SYNPO2: variants seen among roughly 807,000 people sequenced by gnomAD.
The protein encoded by SYNPO2 is synaptopodin-2.
In SYNPO2, 56 loss-of-function variants were observed where a neutral mutation model predicts 85.0. The observed-to-expected ratio is 0.66, with a 90% CI of 0.53 to 0.82. The LOEUF is 0.82. Ranked by LOEUF, SYNPO2 falls within the 40% of genes least tolerant of loss-of-function variation. The pLI is 0.00. For synonymous variants in SYNPO2, 602 were observed against 591.1 expected, an observed-to-expected ratio of 1.02 and a Z score of -0.27; for missense variants, 1,575 against 1,534.2, an observed-to-expected ratio of 1.03 and a Z score of -0.44.
At chr4:119,023,621 C>T (rs1737824689) in intron 2 of SYNPO2, 40 bp downstream of exon 2, 6 of 1,588,112 alleles carry the variant, frequency 3.8e-6, no homozygotes, top group Non-Finnish European at 5.1e-6. Context: ...TCTCTTGAAG[C>T]TACATGGGAA....
intron 1 of SYNPO2, among the ~76,000 whole-genome samples, chr4:118,860,977 T>C (rs145383312): frequency 6.6e-6 from 1 of 152,194 alleles, no homozygotes; most frequent in African/African-American, 2.4e-5. Context: ...TTCCATTCCA[T>C]AGGTTGTCTC....
chr4:119,000,131 A>G lies in SYNPO2; in HGVS notation c.106-23299A>G, dbSNP rs139595853. Among the ~76,000 whole-genome samples the G allele has an allele frequency of 6.9e-3, 1,053 of 152,316 alleles. 20 individuals are homozygous for G. The highest frequency in any genetic ancestry group is 0.024 in the African/African-American group (1,004 of 41,572). The stretch of plus-strand genomic sequence containing the variant: ...AATGTGAGCCACTCTCTCTGTTGCA[A>G]TGTGAGCAAGACAGCCTTCCTGTTA... On this transcript the variant is annotated intron_variant, in intron 1 of 4. Coordinates refer to ENST00000307142, the MANE Select transcript of SYNPO2 (RefSeq NM_133477.3).
At chr4:119,053,682 C>G (rs1208281755) in intron 4 of SYNPO2, among the ~76,000 whole-genome samples, 2 of 152,138 alleles carry the variant, frequency 1.3e-5, no homozygotes, top group Non-Finnish European at 2.9e-5. Flanking sequence ...ATATTTTGAA[C>G]TTTATAAATT....
chr4:119,030,614 T>G lies in SYNPO2; in HGVS notation c.1839T>G (p.Ile613Met). The G allele has an allele frequency of 6.2e-7, 1 of 1,614,076 alleles. No homozygotes were observed. The highest frequency in any genetic ancestry group is 8.5e-7 in the Non-Finnish European group (1 of 1,180,012). ...CAACCCGAAACATGACGAGTCCCAT[T>G]GCTGACTTTCCTGCACCTCCACCTT... ...FSPTRNMTSP[I>M]ADFPAPPPYS... The change falls in exon 4 of 5, where the codon ATT becomes ATG. Residue 613 changes from isoleucine to methionine, a missense_variant. Ile to Met is a conservative substitution (Grantham distance 10). This residue lies in a region of SYNPO2 where 1,508 missense variants were observed against 1,446.8 expected (regional missense o/e 1.04). Coordinates refer to ENST00000307142, the MANE Select transcript of SYNPO2 (RefSeq NM_133477.3).
chr4:119,043,863 G>A (rs1486702575), intron 4 of SYNPO2: 1 of 144,112 alleles, frequency 6.9e-6, no homozygotes, highest in African/African-American at 2.6e-5. Context: ...ACTTGAACCT[G>A]GGGAGCAGAG....
intron 1 of SYNPO2, among the ~76,000 whole-genome samples, chr4:118,936,657 G>C (rs1560885068): frequency 6.6e-6 from 1 of 152,058 alleles, no homozygotes. Context: ...GCTGTTCTAT[G>C]GGGGTAGACA....
intron 1 of SYNPO2, among the ~76,000 whole-genome samples, chr4:118,894,018 A>C (rs1210264813): frequency 6.6e-6 from 1 of 150,560 alleles, no homozygotes; most frequent in Non-Finnish European, 1.5e-5. Context: ...ATAAAACTTA[A>C]AAAAGAAGAT....
In SYNPO2 at chr4:119,022,512, G is replaced by GTTTT. The variant is rs778146297; in HGVS notation, c.106-895_106-892dup. Among the ~76,000 whole-genome samples, 131 of 87,114 alleles carry GTTTT rather than the reference G, an allele frequency of 1.5e-3. 9 individuals carry two copies. The highest frequency in any genetic ancestry group is 5.2e-3 in the African/African-American group (124 of 24,006). The allele number at this position is 87,114 out of a possible 152,430, so 57.2% of individuals were successfully genotyped here. On this transcript the variant is annotated intron_variant, in intron 1 of 4. Transcript: ENST00000307142. ...GGGCTAATTTTTGCATTTTTTGTAG[G>GTTTT]TTTTTTTTTTTTTTTTTTTTTTTTT...
intron 1 of SYNPO2, among the ~76,000 whole-genome samples, chr4:118,895,577 C>T (rs748370016): frequency 3.3e-5 from 5 of 152,114 alleles, no homozygotes; most frequent in Admixed American, 6.5e-5. Flanking sequence ...TTCTGTACCC[C>T]CTACAAGCCC....
At chr4:118,900,703 C>CTCTA (rs1277981772) in intron 1 of SYNPO2, among the ~76,000 whole-genome samples, 195 of 43,872 alleles carry the variant, frequency 4.4e-3, no homozygotes, top group East Asian at 9.2e-3. Context: ...CTCTCTCTCT[C>CTCTA]TATATATATA....
intron 1 of SYNPO2, among the ~76,000 whole-genome samples, chr4:118,851,663 T>C (rs573749294): frequency 1.3e-5 from 2 of 152,222 alleles, no homozygotes; most frequent in Non-Finnish European, 2.9e-5. Flanking sequence ...GTAAGTAACA[T>C]TTTGATTAAA....
chr4:118,988,381 T>C (rs1259111825), intron 1 of SYNPO2, among the ~76,000 whole-genome samples: 1 of 152,038 alleles, frequency 6.6e-6, no homozygotes, highest in African/African-American at 2.4e-5. Context: ...AATGAAACAG[T>C]TCTGCCCCAG....
intron 4 of SYNPO2, among the ~76,000 whole-genome samples, chr4:119,040,657 GAAATGTTTGTAAACCAAACATATTCTCT>G: frequency 6.6e-6 from 1 of 152,212 alleles, no homozygotes; most frequent in East Asian, 1.9e-4. Flanking sequence ...CTCTTCTGGG[GAAATGTTTGTAAACCAAACATATTCTCT>G]AAACAGGATA....
intron 1 of SYNPO2, among the ~76,000 whole-genome samples, chr4:118,903,919 T>C (rs1366123990): frequency 6.6e-6 from 1 of 151,896 alleles, no homozygotes; most frequent in East Asian, 2.0e-4. Context: ...GGTTTCACCA[T>C]GTTGGCCAAG....
intron 1 of SYNPO2, among the ~76,000 whole-genome samples, chr4:118,998,952 C>T (rs1736721968): frequency 6.6e-6 from 1 of 152,068 alleles, no homozygotes; most frequent in Non-Finnish European, 1.5e-5. Context: ...ACAGGAGGTC[C>T]TTTAAACGTC....
chr4:118,855,499 TCGC>T (rs1731490395), intron 1 of SYNPO2, among the ~76,000 whole-genome samples: 1 of 152,140 alleles, frequency 6.6e-6, no homozygotes, highest in Non-Finnish European at 1.5e-5. Context: ...TGAGTAGATA[TCGC>T]ACAACTGTAG....
chr4:119,027,471 G>T, intron 3 of SYNPO2, 33 bp downstream of exon 3: 1 of 1,502,688 alleles, frequency 6.7e-7, no homozygotes, highest in Non-Finnish European at 8.9e-7. Context: ...GAAGGGGCTT[G>T]GGAGTTGGGG....
chr4:119,033,932 T>C (rs1738388933), intron 4 of SYNPO2: 1 of 985,270 alleles, frequency 1.0e-6, no homozygotes, highest in African/African-American at 1.7e-5. Flanking sequence ...TGCAGAACAA[T>C]GGGGCTGATT....
At chr4:118,955,595 GC>G in intron 1 of SYNPO2, among the ~76,000 whole-genome samples, 1 of 152,172 alleles carries the variant, frequency 6.6e-6, no homozygotes, top group Admixed American at 6.5e-5. Flanking sequence ...AGCATTCTCA[GC>G]AGGAAGAAAG....
Sources: allele counts gnomAD v4.1 joint callset (sites outside exome capture counted in the v4.1 genomes callset), GRCh38; gene constraint gnomAD v4.1.1; regional missense constraint gnomAD v4.1.1; transcripts MANE v1.5; gene names NCBI Gene and HGNC (gene_info 2026-07-23, HGNC 2026-07-21).